The following GPATCH2L variants were observed in gnomAD, a reference collection of about 807,000 sequenced individuals.
The protein encoded by GPATCH2L is G-patch domain containing 2 like, also known as G patch domain-containing protein 2-like.
In GPATCH2L, 31 loss-of-function variants were observed where a neutral mutation model predicts 57.4. That is an observed-to-expected ratio of 0.54 (90% CI 0.41 to 0.73). The LOEUF is 0.73. Among genes scored for constraint, GPATCH2L ranks in the 30% least tolerant of loss-of-function variants. The pLI is 0.00. For missense variants in GPATCH2L, 481 were observed against 599.9 expected (o/e 0.80, Z 2.07); for synonymous variants, 199 against 210.7 (o/e 0.94, Z 0.48).
Position 76,213,428 on chromosome 14 carries a change from C to G in GPATCH2L, c.*11577C>G, listed in dbSNP as rs1004329075. 4.6e-5 allele frequency: 7 copies of G among 152,194 alleles called. No homozygotes were observed. Among genetic ancestry groups the G allele is most frequent in the African/African-American group, 1.7e-4 (7 of 41,526 alleles). The allele number at this position is 152,194 out of a possible 1,614,324, so 9.4% of individuals were successfully genotyped here. ...GACAGACTAAATACTTTTAAAGACCCAATGAAAACAAAGAAATGCATTTGG... is the reference window on the plus strand; with the variant it reads ...GACAGACTAAATACTTTTAAAGACCGAATGAAAACAAAGAAATGCATTTGG... On this transcript the variant is annotated 3_prime_UTR_variant, in exon 10 of 10. Coordinates refer to ENST00000261530, the MANE Select transcript of GPATCH2L (RefSeq NM_017926.4).
rs58440331 is a variant in GPATCH2L at position 76,181,693 on chromosome 14, T to C, written c.1193+844T>C. Reference sequence around the variant, plus strand: ...ACGAGTGACTCCTTACAAATATAAATTCTTTTAGGTGACATGGGAAGTAAA... The same window carrying C: ...ACGAGTGACTCCTTACAAATATAAACTCTTTTAGGTGACATGGGAAGTAAA... On this transcript the variant is annotated intron_variant, in intron 8 of 9. Transcript: ENST00000261530. Among the ~76,000 whole-genome samples, 598 of 152,288 alleles carry C rather than the reference T, an allele frequency of 3.9e-3. 4 individuals are homozygous for C. The highest frequency in any genetic ancestry group is 0.013 in the African/African-American group (554 of 41,546).
chr14:76,195,507 A>G (rs2139801401), intron 8 of GPATCH2L, among the ~76,000 whole-genome samples: 1 of 152,356 alleles, frequency 6.6e-6, no homozygotes, highest in Non-Finnish European at 1.5e-5. Context: ...TTCATGCAGC[A>G]TTAAACTTTT....
chr14:76,182,344 G>A (rs1370100650), intron 8 of GPATCH2L, among the ~76,000 whole-genome samples: 2 of 125,362 alleles, frequency 1.6e-5, no homozygotes, highest in East Asian at 5.1e-4. Context: ...GGGACAGAGC[G>A]AGACCCCGTC....
rs1312907772 is a variant in GPATCH2L, at chr14:76,207,984, C to T, written c.*6133C>T. On this transcript the variant is annotated 3_prime_UTR_variant, in exon 10 of 10. Transcript: ENST00000261530. ...GGTGTACTAGGAGTTCTCATTTCCT[C>T]AGATGCTCATGTCTGTAGGCTGTTA... 1.3e-5 allele frequency: 2 copies of T among 152,148 alleles called. No individual in the cohort carries two copies. Among genetic ancestry groups the T allele is most frequent in the Non-Finnish European group, 2.9e-5 (2 of 68,032 alleles). 9.4% of individuals were successfully genotyped at this position (152,148 alleles called of 1,614,324 possible).
intron 8 of GPATCH2L, among the ~76,000 whole-genome samples, chr14:76,182,958 A>G (rs1295729037): frequency 6.6e-6 from 1 of 152,214 alleles, no homozygotes. Flanking sequence ...TACCAAATAA[A>G]ATAATGTCTG....
At chr14:76,196,804 G>A (rs1036935260) in intron 9 of GPATCH2L, among the ~76,000 whole-genome samples, 3 of 152,104 alleles carry the variant, frequency 2.0e-5, no homozygotes, top group South Asian at 2.1e-4. Flanking sequence ...GCTGAATAGA[G>A]AGTAAACCTC....
chr14:76,196,666 A>G (rs551888809), intron 9 of GPATCH2L: 2 of 152,186 alleles, frequency 1.3e-5, no homozygotes, highest in Non-Finnish European at 1.5e-5. Flanking sequence ...GTTATCCTTC[A>G]ATGAAAAAAA....
chr14:76,164,449 G>A (rs1032179369), intron 2 of GPATCH2L, among the ~76,000 whole-genome samples: 16 of 152,064 alleles, frequency 1.1e-4, no homozygotes, highest in African/African-American at 1.4e-4. Flanking sequence ...AAATTGGGAC[G>A]GGGGCTGCAA....
intron 3 of GPATCH2L, among the ~76,000 whole-genome samples, chr14:76,169,266 TAGGTACGAGTCTTTTCCCTTG>T (rs2038980145): frequency 6.6e-6 from 1 of 152,250 alleles, no homozygotes. Context: ...TTATTGTTTG[TAGGTACGAGTCTTTTCCCTTG>T]AGGCTTTTCA....
At chr14:76,181,423 CT>C (rs1402438356) in intron 8 of GPATCH2L, among the ~76,000 whole-genome samples, 1 of 152,254 alleles carries the variant, frequency 6.6e-6, no homozygotes, top group Non-Finnish European at 1.5e-5. Flanking sequence ...ACCTCCAGCA[CT>C]TCCTGCTCGT....
intron 1 of GPATCH2L, among the ~76,000 whole-genome samples, chr14:76,219,789 A>G (rs2040506187): frequency 6.6e-6 from 1 of 152,120 alleles, no homozygotes; most frequent in South Asian, 2.1e-4. Context: ...AAGTCATTGG[A>G]GGGGATAGTG....
At chr14:76,220,401 A>G (rs117468533) in intron 1 of GPATCH2L, among the ~76,000 whole-genome samples, 3,367 of 152,314 alleles carry the variant, frequency 0.022, 73 homozygotes, top group South Asian at 0.077. Flanking sequence ...AAGCATTACT[A>G]AGGACACAAA....
Position 76,208,682 on chromosome 14 carries a change from C to G in GPATCH2L, c.*6831C>G, listed in dbSNP as rs1463278809. ...ATAAATGACTTGATCTAGCTACAGC[C>G]TCACACTCCTGGCACATACAGCTTT... On this transcript the variant is annotated 3_prime_UTR_variant, in exon 10 of 10. Coordinates refer to ENST00000261530, the MANE Select transcript of GPATCH2L (RefSeq NM_017926.4). The G allele has an allele frequency of 6.6e-6, 1 of 152,558 alleles. No individual in the cohort carries two copies. The highest frequency in any genetic ancestry group is 1.5e-5 in the Non-Finnish European group (1 of 68,224). 9.5% of individuals were successfully genotyped at this position (152,558 alleles called of 1,614,324 possible).
intron 6 of GPATCH2L, among the ~76,000 whole-genome samples, chr14:76,176,941 G>A (rs1193036159): frequency 6.6e-6 from 1 of 151,220 alleles, no homozygotes; most frequent in African/African-American, 2.4e-5. Context: ...CAGTAAAGAT[G>A]TTTATTTTAA....
At chr14:76,178,783 C>T (rs1357402275) in intron 7 of GPATCH2L, 1 of 152,410 alleles carries the variant, frequency 6.6e-6, no homozygotes, top group Non-Finnish European at 1.5e-5. Flanking sequence ...TGACAGCTCA[C>T]CTCCTGCTGT....
chr14:76,214,450 A>T (rs748908682), downstream of GPATCH2L: 3 of 152,130 alleles, frequency 2.0e-5, no homozygotes, highest in Admixed American at 1.3e-4. Context: ...TAATTTTTTT[A>T]AAAAAATAAA....
At chr14:76,172,279 C>T (rs1478938719) in intron 4 of GPATCH2L, among the ~76,000 whole-genome samples, 1 of 152,096 alleles carries the variant, frequency 6.6e-6, no homozygotes, top group Non-Finnish European at 1.5e-5. Flanking sequence ...GCCGTTTGTG[C>T]CAGATTTAGT....
At chr14:76,197,050 A>G (rs1358143833) in intron 9 of GPATCH2L, among the ~76,000 whole-genome samples, 6 of 152,136 alleles carry the variant, frequency 3.9e-5, no homozygotes, top group Admixed American at 3.9e-4. Flanking sequence ...CAACAGCCTT[A>G]TAAGGTAGAT....
chr14:76,167,668 G>A (rs8005709), intron 3 of GPATCH2L, among the ~76,000 whole-genome samples: 31,251 of 152,076 alleles, frequency 0.21, 3,557 homozygotes, highest in African/African-American at 0.3. Context: ...GAGTTGTTGA[G>A]CTTCCTACTG....
Sources: allele counts gnomAD v4.1 joint callset (sites outside exome capture counted in the v4.1 genomes callset), GRCh38; gene constraint gnomAD v4.1.1; transcripts MANE v1.5; gene names NCBI Gene and HGNC (gene_info 2026-07-23, HGNC 2026-07-21).